COLEC10: variants seen among roughly 807,000 people sequenced by gnomAD.
COLEC10 encodes collectin subfamily member 10, also known as collectin-10.
Under a neutral mutation model 28.4 loss-of-function variants are expected in COLEC10, and 22 were observed. The ratio of observed to expected loss-of-function variants is 0.78; its 90% CI spans 0.55 to 1.11. The LOEUF (loss-of-function observed/expected upper bound fraction) is 1.11. Ranked by LOEUF, COLEC10 falls within the 50% of genes least tolerant of loss-of-function variation. The pLI, the probability that COLEC10 is intolerant of heterozygous loss-of-function variation, is 0.00. For missense variants in COLEC10, 361 were observed against 344.1 expected (o/e 1.05, Z -0.39); for synonymous variants, 125 against 116.1 (o/e 1.08, Z -0.49).
the COLEC10 span, among the ~76,000 whole-genome samples, chr8:118,977,303 A>G: frequency 6.7e-6 from 1 of 148,410 alleles, no homozygotes; most frequent in East Asian, 2.1e-4. Flanking sequence ...ATGCACACGT[A>G]TGTTTATTGC....
intron 2 of COLEC10, among the ~76,000 whole-genome samples, chr8:119,024,135 T>C (rs533948483): frequency 1.3e-5 from 2 of 152,238 alleles, no homozygotes; most frequent in East Asian, 1.9e-4. Context: ...TCCACTCCTC[T>C]GGTTGGGTAG....
the COLEC10 span, among the ~76,000 whole-genome samples, chr8:118,966,059 G>GA: frequency 1.3e-5 from 2 of 151,994 alleles, no homozygotes; most frequent in African/African-American, 2.4e-5. Context: ...GCAAATCAGG[G>GA]AAAAATCTAA....
intron 3 of COLEC10, 37 bp from the exon 4 acceptor site, chr8:119,102,311 A>G (rs745443242): frequency 8.5e-7 from 1 of 1,180,052 alleles, no homozygotes; most frequent in Non-Finnish European, 1.1e-6. Flanking sequence ...TTTTATTTTA[A>G]TTTTATTTTA....
At chr8:118,989,361 A>G in the COLEC10 span, among the ~76,000 whole-genome samples, 1 of 152,242 alleles carries the variant, frequency 6.6e-6, no homozygotes, top group East Asian at 1.9e-4. Context: ...CTATGTGACA[A>G]TATCAAAAGG....
At chr8:118,976,493 C>G in the COLEC10 span, 2 of 152,140 alleles carry the variant, frequency 1.3e-5, no homozygotes, top group Non-Finnish European at 2.9e-5. Context: ...TATACTTGTA[C>G]TTAAAATATA....
At chr8:119,037,978 G>A (rs1262234012) in intron 2 of COLEC10, among the ~76,000 whole-genome samples, 1 of 152,172 alleles carries the variant, frequency 6.6e-6, no homozygotes, top group African/African-American at 2.4e-5. Flanking sequence ...CAAACACAGA[G>A]TTTGACACAT....
upstream of COLEC10, chr8:119,067,240 A>T: frequency 6.2e-7 from 1 of 1,604,216 alleles, no homozygotes; most frequent in Non-Finnish European, 8.5e-7. Flanking sequence ...AAAGCTGTTT[A>T]TTTGGCATTT....
intron 2 of COLEC10, 122 bp from the exon 3 acceptor site, chr8:119,091,027 T>C (rs1234920124): frequency 2.7e-6 from 2 of 747,096 alleles, no homozygotes; most frequent in South Asian, 1.5e-5. Context: ...ATGGGATATA[T>C]ATTAGATATC....
rs778694012 is a variant in COLEC10 at position 119,089,700 on chromosome 8, G to C, written c.169G>C (p.Asp57His). 2 of 1,613,610 alleles carry C rather than the reference G, an allele frequency of 1.2e-6. No homozygotes were observed. Among genetic ancestry groups the C allele is most frequent in the South Asian group, 2.2e-5 (2 of 91,056 alleles). ...AAAAGGAGATGATGGTGAAAAAGGA[G>C]ATCCAGGAGAAGAGGGAAAGCATGG... is the stretch of plus-strand genomic sequence containing the variant. The part of the protein sequence containing the change: ...GPKGDDGEKG[D>H]PGEEGKHGKV... Residue 57 changes from aspartate to histidine, a missense_variant, in exon 2 of 6, where the codon GAT becomes CAT. Asp to His is a moderately conservative substitution (Grantham distance 81). Coordinates refer to ENST00000332843, the MANE Select transcript of COLEC10 (RefSeq NM_006438.5).
chr8:119,105,669 C>T, intron 5 of COLEC10, 131 bp from the exon 6 acceptor site: 1 of 834,182 alleles, frequency 1.2e-6, no homozygotes. Flanking sequence ...CTGTGACTAC[C>T]TCATAATAGG....
At chr8:118,971,506 G>A in the COLEC10 span, among the ~76,000 whole-genome samples, 1 of 151,988 alleles carries the variant, frequency 6.6e-6, no homozygotes, top group East Asian at 1.9e-4. Flanking sequence ...GAACATGAGT[G>A]ATAAAATAGG....
At chr8:118,987,029 AT>A in the COLEC10 span, among the ~76,000 whole-genome samples, 2 of 151,936 alleles carry the variant, frequency 1.3e-5, no homozygotes, top group Non-Finnish European at 2.9e-5. Flanking sequence ...GATTAATTTT[AT>A]GTTATGTGAA....
chr8:119,024,574 A>G (rs377676483), intron 2 of COLEC10, among the ~76,000 whole-genome samples: 5 of 85,772 alleles, frequency 5.8e-5, no homozygotes, highest in African/African-American at 3.9e-4. Flanking sequence ...ACATATATGC[A>G]CACATACACA....
At chr8:118,969,379 T>C in the COLEC10 span, among the ~76,000 whole-genome samples, 1 of 152,088 alleles carries the variant, frequency 6.6e-6, no homozygotes, top group South Asian at 2.1e-4. Context: ...TCATGGATCA[T>C]CAAATTCAAT....
chr8:119,020,319 A>C (rs1814069856), intron 2 of COLEC10, among the ~76,000 whole-genome samples: 1 of 152,162 alleles, frequency 6.6e-6, no homozygotes, highest in South Asian at 2.1e-4. Flanking sequence ...ATAAATATTT[A>C]TTTTGAGCCC....
chr8:119,089,976 T>C (rs958962149), intron 2 of COLEC10, among the ~76,000 whole-genome samples: 1 of 152,202 alleles, frequency 6.6e-6, no homozygotes, highest in Non-Finnish European at 1.5e-5. Flanking sequence ...GGCTGGCTGG[T>C]GTGGGACACT....
intron 2 of COLEC10, among the ~76,000 whole-genome samples, chr8:119,059,260 G>A (rs200155198): frequency 7.5e-6 from 1 of 133,950 alleles, no homozygotes; most frequent in South Asian, 2.5e-4. Context: ...TTCTTTTGGT[G>A]TACTAAGAAA....
chr8:118,977,614 G>T, the COLEC10 span, among the ~76,000 whole-genome samples: 2 of 113,290 alleles, frequency 1.8e-5, no homozygotes, highest in South Asian at 6.3e-4. Flanking sequence ...GTGGGGGGAG[G>T]GGGGAGGGAT....
chr8:119,079,076 G>T (rs1293505922), intron 1 of COLEC10, among the ~76,000 whole-genome samples: 1 of 151,352 alleles, frequency 6.6e-6, no homozygotes, highest in Admixed American at 6.6e-5. Flanking sequence ...GCATGACAGG[G>T]TAAGGTCTCA....
Sources: allele counts gnomAD v4.1 joint callset (sites outside exome capture counted in the v4.1 genomes callset), GRCh38; gene constraint gnomAD v4.1.1; transcripts MANE v1.5; gene names NCBI Gene and HGNC (gene_info 2026-07-23, HGNC 2026-07-21).